LAMB4: variants seen among roughly 807,000 people sequenced by gnomAD.
The protein encoded by LAMB4 is laminin subunit beta 4.
In LAMB4, 196 loss-of-function variants were observed where a neutral mutation model predicts 199.2. The observed-to-expected ratio is 0.98, with a 90% CI of 0.88 to 1.11. The LOEUF (loss-of-function observed/expected upper bound fraction) is 1.11. Ranked by LOEUF, LAMB4 falls within the 50% of genes least tolerant of loss-of-function variation. The probability of loss-of-function intolerance (pLI) is 0.00; values close to 1 mark genes in which losing one functional copy is unlikely to be tolerated. For missense variants in LAMB4, 2,080 were observed against 2,171.2 expected, an observed-to-expected ratio of 0.96 and a Z score of 0.83; for synonymous variants, 744 against 770.6, an observed-to-expected ratio of 0.97 and a Z score of 0.57.
At chr7:108,015,078 T>A in the LAMB4 span, among the ~76,000 whole-genome samples, 1 of 152,224 alleles carries the variant, frequency 6.6e-6, no homozygotes, top group South Asian at 2.1e-4. Flanking sequence ...ATCAGTCATA[T>A]CTAAATAGGT....
At position 108,033,353 on chromosome 7, in the gene LAMB4, A is replaced by G. The variant is rs540964886; in HGVS notation, c.4818+855T>C. Among the ~76,000 whole-genome samples, 21 of 152,060 alleles carry G rather than the reference A, an allele frequency of 1.4e-4. No individual in the cohort carries two copies. The East Asian group carries it at 3.5e-3, about 25-fold the overall frequency. On this transcript the variant is annotated intron_variant, in intron 31 of 33. Coordinates refer to ENST00000388781, the MANE Select transcript of LAMB4 (RefSeq NM_007356.3). ...TCCTTTTTACTACCCCATATATGCA[A>G]CCTCTTCCTATCCAACCCCTTTATT...
intron 6 of LAMB4, 83 bp downstream of exon 6, chr7:108,107,548 C>T (rs552688085): frequency 2.8e-6 from 3 of 1,079,014 alleles, no homozygotes; most frequent in African/African-American, 1.6e-5. Context: ...ACAGTAAACA[C>T]TATCGAAAGT....
At chr7:108,032,298 G>A (rs1425420031) in intron 31 of LAMB4, among the ~76,000 whole-genome samples, 3 of 152,086 alleles carry the variant, frequency 2.0e-5, no homozygotes, top group African/African-American at 7.2e-5. Flanking sequence ...GCTGAGGCAG[G>A]AGACTTGATT....
intron 1 of LAMB4, among the ~76,000 whole-genome samples, chr7:108,127,156 G>A (rs1054143473): frequency 1.4e-5 from 2 of 147,964 alleles, no homozygotes; most frequent in Non-Finnish European, 1.5e-5. Flanking sequence ...AAACTTTACT[G>A]CACATTAAAA....
chr7:108,098,698 T>C, intron 10 of LAMB4, 116 bp from the exon 11 acceptor site: 1 of 846,692 alleles, frequency 1.2e-6, no homozygotes, highest in Non-Finnish European at 1.7e-6. Flanking sequence ...TAATTAAATG[T>C]TTAAATAATT....
In LAMB4 at chr7:108,034,222, T is replaced by G. The variant is rs773286123; in HGVS notation, c.4804A>C (p.Lys1602Gln). The G allele has an allele frequency of 2.5e-6, 4 of 1,614,082 alleles. No homozygotes were observed. The highest frequency in any genetic ancestry group is 3.4e-6 in the Non-Finnish European group (4 of 1,179,994). Reference protein sequence around the residue: ...QLTANITKIKKNVLQAENQTR... With the variant: ...QLTANITKIKQNVLQAENQTR... ...AAGACAAATACCTGCAGCACATTCT[T>G]TTTTATTTTTGTTATATTGGCAGTC... Residue 1602 changes from lysine to glutamine, a missense_variant, in exon 31 of 34, where the codon AAG (lysine) becomes CAG (glutamine). Physicochemically the swap from Lys to Gln is moderately conservative, Grantham distance 53 (BLOSUM62 1). Transcript: ENST00000388781.
At chr7:108,128,671 A>G (rs1358926941) in intron 1 of LAMB4, among the ~76,000 whole-genome samples, 1 of 152,242 alleles carries the variant, frequency 6.6e-6, no homozygotes, top group African/African-American at 2.4e-5. Context: ...CAGTCATTAT[A>G]AAACCCACAG....
chr7:108,096,702 C>A (rs1012738730), intron 11 of LAMB4, among the ~76,000 whole-genome samples: 1 of 144,432 alleles, frequency 6.9e-6, no homozygotes, highest in African/African-American at 2.6e-5. Context: ...GAAGGTGAGG[C>A]GGAAGGGTTG....
intron 23 of LAMB4, among the ~76,000 whole-genome samples, chr7:108,058,707 C>T (rs898218930): frequency 3.9e-5 from 6 of 152,076 alleles, no homozygotes; most frequent in African/African-American, 1.4e-4. Context: ...CCAGGCTGTA[C>T]GGCAGTGGTG....
chr7:108,122,411 A>C (rs2038632511), intron 2 of LAMB4, among the ~76,000 whole-genome samples: 1 of 152,208 alleles, frequency 6.6e-6, no homozygotes, highest in African/African-American at 2.4e-5. Context: ...GGGGATTTTC[A>C]ACAGAGAACA....
At chr7:108,028,563 G>A (rs546876032) in intron 33 of LAMB4, among the ~76,000 whole-genome samples, 36 of 140,110 alleles carry the variant, frequency 2.6e-4, no homozygotes, top group Non-Finnish European at 4.5e-4. Flanking sequence ...TGCAACCTCT[G>A]CCTCCCAGGT....
chr7:108,011,713 T>C, the LAMB4 span, among the ~76,000 whole-genome samples: 1,091 of 78,484 alleles, frequency 0.014, 6 homozygotes, highest in Non-Finnish European at 0.02. Context: ...GCCACTGCAC[T>C]CGGCCCACTC....
intron 1 of LAMB4, among the ~76,000 whole-genome samples, chr7:108,124,376 T>G (rs554506026): frequency 3.6e-4 from 55 of 152,304 alleles, no homozygotes; most frequent in Non-Finnish European, 7.1e-4. Flanking sequence ...ATAGCCTTAT[T>G]CACTATGATA....
chr7:108,083,123 T>C (rs2150586643), intron 14 of LAMB4, among the ~76,000 whole-genome samples: 1 of 152,298 alleles, frequency 6.6e-6, no homozygotes, highest in East Asian at 1.9e-4. Flanking sequence ...TGTCTGCAAA[T>C]GTGGTGGGGT....
At chr7:108,053,620 T>A (rs113325354) in intron 25 of LAMB4, among the ~76,000 whole-genome samples, 20 of 152,336 alleles carry the variant, frequency 1.3e-4, no homozygotes, top group African/African-American at 4.3e-4. Context: ...GGAACAGGCC[T>A]CTGGGCTGCT....
At chr7:108,051,970 T>C (rs565768652) in intron 26 of LAMB4, 127 bp downstream of exon 26, 2 of 613,868 alleles carry the variant, frequency 3.3e-6, no homozygotes, top group East Asian at 2.8e-5. Flanking sequence ...CCTTTAATGG[T>C]TGTGTTTGCA....
In LAMB4 at chr7:108,104,620, C is replaced by G; in HGVS notation, c.871-1G>C. 1 of 1,613,818 alleles carries G rather than the reference C, an allele frequency of 6.2e-7. No homozygotes were observed. The highest frequency in any genetic ancestry group is 1.1e-5 in the South Asian group (1 of 90,964). Reference sequence around the variant, plus strand: ...GCTGACACACACACTGACCGTGAACCTGCATTGTGCAATAAATAGAGCGTT... The same window carrying G: ...GCTGACACACACACTGACCGTGAACGTGCATTGTGCAATAAATAGAGCGTT... On this transcript the variant is annotated splice_acceptor_variant, in intron 8 of 33. Coordinates refer to ENST00000388781, the MANE Select transcript of LAMB4 (RefSeq NM_007356.3). LOFTEE classifies it high-confidence loss of function.
chr7:108,014,056 T>A, the LAMB4 span, among the ~76,000 whole-genome samples: 2 of 152,234 alleles, frequency 1.3e-5, no homozygotes, highest in African/African-American at 4.8e-5. Flanking sequence ...GATAGCTGTT[T>A]CTTCTTTTAT....
intron 14 of LAMB4, among the ~76,000 whole-genome samples, chr7:108,084,670 A>G (rs2037094926): frequency 6.6e-6 from 1 of 151,574 alleles, no homozygotes; most frequent in African/African-American, 2.4e-5. Context: ...TACTAACGTG[A>G]TCGAGTTAGC....
Sources: gnomAD v4.1 joint callset for allele counts (sites outside exome capture counted in the v4.1 genomes callset) on GRCh38, gnomAD v4.1.1 for gene constraint, MANE v1.5 for transcripts, NCBI Gene and HGNC (gene_info 2026-07-23, HGNC 2026-07-21) for gene names.